The following CD82 variants were observed in gnomAD, a reference collection of about 807,000 sequenced individuals.
The protein encoded by CD82 is CD82 antigen.
Under a neutral mutation model 37.4 loss-of-function variants are expected in CD82, and 36 were observed. The ratio of observed to expected loss-of-function variants is 0.96; its 90% CI spans 0.74 to 1.27. The LOEUF (loss-of-function observed/expected upper bound fraction) is 1.27, where lower values mean the gene tolerates loss of function less well. CD82 is among the 50% of genes most tolerant of loss of function. The pLI, the probability that CD82 is intolerant of heterozygous loss-of-function variation, is 0.00. For synonymous variants in CD82, 158 were observed against 137.4 expected (o/e 1.15, Z -1.05); for missense variants, 340 against 347.0 (o/e 0.98, Z 0.16).
intron 3 of CD82, among the ~76,000 whole-genome samples, chr11:44,596,114 G>A (rs1335350580): frequency 6.6e-6 from 1 of 152,192 alleles, no homozygotes; most frequent in Non-Finnish European, 1.5e-5. Context: ...GACCCTGTGA[G>A]GCCCCACTGT....
chr11:44,580,541 C>T (rs369155609), intron 1 of CD82, among the ~76,000 whole-genome samples: 4 of 152,036 alleles, frequency 2.6e-5, no homozygotes, highest in South Asian at 2.1e-4. Context: ...AGTGAAACCC[C>T]GTCTCTATTA....
At chr11:44,598,493 A>G (rs539270655) in intron 3 of CD82, among the ~76,000 whole-genome samples, 1 of 126,324 alleles carries the variant, frequency 7.9e-6, no homozygotes, top group East Asian at 2.5e-4. Context: ...GCTCACTGCC[A>G]CCGCCGCTTC....
intron 2 of CD82, among the ~76,000 whole-genome samples, chr11:44,592,790 A>G (rs1853164232): frequency 6.6e-6 from 1 of 152,176 alleles, no homozygotes; most frequent in Non-Finnish European, 1.5e-5. Flanking sequence ...CCATCTCTGC[A>G]ATTCTCAGAC....
At chr11:44,598,025 A>G (rs1316684836) in intron 3 of CD82, among the ~76,000 whole-genome samples, 4 of 152,232 alleles carry the variant, frequency 2.6e-5, no homozygotes, top group Admixed American at 6.5e-5. Flanking sequence ...AAATATCCCT[A>G]TAGCTCACCT....
chr11:44,616,679 T>A (rs1038479505), intron 7 of CD82, among the ~76,000 whole-genome samples: 1 of 152,214 alleles, frequency 6.6e-6, no homozygotes, highest in Non-Finnish European at 1.5e-5. Flanking sequence ...TGAGATACAT[T>A]GTTAAAGCCT....
chr11:44,591,693 G>T (rs962582265), intron 2 of CD82, among the ~76,000 whole-genome samples: 5 of 152,202 alleles, frequency 3.3e-5, no homozygotes, highest in African/African-American at 1.2e-4. Flanking sequence ...GTCTGCCAGG[G>T]ATAGGAATAC....
intron 6 of CD82, chr11:44,608,000 CCTCACCTT>C: frequency 1.3e-5 from 2 of 152,378 alleles, no homozygotes; most frequent in South Asian, 4.1e-4. Context: ...TCCCAGCCTG[CCTCACCTT>C]AGTCCACCAC....
chr11:44,580,776 T>C (rs1014824849), intron 1 of CD82, among the ~76,000 whole-genome samples: 2 of 152,186 alleles, frequency 1.3e-5, no homozygotes, highest in Non-Finnish European at 2.9e-5. Context: ...TGATTGTCTA[T>C]CCTAAATTCT....
At chr11:44,609,308 G>A (rs1388997947) in intron 6 of CD82, among the ~76,000 whole-genome samples, 1 of 152,218 alleles carries the variant, frequency 6.6e-6, no homozygotes, top group African/African-American at 2.4e-5. Flanking sequence ...CTAGAGAGTG[G>A]AGGTGGGAGG....
chr11:44,570,803 G>A (rs953807897), intron 1 of CD82, among the ~76,000 whole-genome samples: 3 of 152,206 alleles, frequency 2.0e-5, no homozygotes, highest in African/African-American at 7.2e-5. Flanking sequence ...AGTGAACTCT[G>A]ACTCAGCCAG....
intron 6 of CD82, among the ~76,000 whole-genome samples, chr11:44,612,687 C>G (rs1324471766): frequency 8.3e-6 from 1 of 119,916 alleles, no homozygotes; most frequent in Non-Finnish European, 1.6e-5. Context: ...GGCTGGAGTG[C>G]AGTGGCGTGA....
At chr11:44,575,073 C>T (rs1024110395) in intron 1 of CD82, among the ~76,000 whole-genome samples, 1 of 152,220 alleles carries the variant, frequency 6.6e-6, no homozygotes, top group Non-Finnish European at 1.5e-5. Flanking sequence ...AATCTCCCAC[C>T]ATAACCAGTC....
chr11:44,609,961 GA>G (rs1003829393), intron 6 of CD82, among the ~76,000 whole-genome samples: 5 of 152,194 alleles, frequency 3.3e-5, no homozygotes, highest in Non-Finnish European at 7.3e-5. Context: ...AAAGATGCAG[GA>G]AGCGCCCTCA....
At chr11:44,571,536 G>T (rs1297623868) in intron 1 of CD82, among the ~76,000 whole-genome samples, 1 of 152,172 alleles carries the variant, frequency 6.6e-6, no homozygotes, top group Non-Finnish European at 1.5e-5. Context: ...CATAGTTAGT[G>T]CTATATATGT....
chr11:44,603,371 C>T (rs538702139), intron 4 of CD82, among the ~76,000 whole-genome samples: 6 of 152,328 alleles, frequency 3.9e-5, no homozygotes, highest in East Asian at 1.9e-4. Flanking sequence ...AGGGCACTAA[C>T]GCCCCTTGGG....
chr11:44,600,333 G>C, intron 4 of CD82, 103 bp downstream of exon 4: 1 of 1,062,442 alleles, frequency 9.4e-7, no homozygotes, highest in South Asian at 1.3e-5. Context: ...AATGCCTGTT[G>C]CTTTTCCCGC....
intron 3 of CD82, 136 bp downstream of exon 3, chr11:44,594,861 C>G: frequency 1.4e-6 from 1 of 705,398 alleles, no homozygotes; most frequent in East Asian, 2.6e-5. Flanking sequence ...GACGAACTAT[C>G]TCCAACGGAA....
intron 1 of CD82, among the ~76,000 whole-genome samples, chr11:44,578,077 G>A (rs1852924642): frequency 6.6e-6 from 1 of 152,180 alleles, no homozygotes; most frequent in African/African-American, 2.4e-5. Flanking sequence ...ACACATGATC[G>A]GCAAACAGGA....
intron 2 of CD82, 107 bp downstream of exon 2, chr11:44,587,663 C>T (rs762745949): frequency 2.3e-5 from 10 of 444,402 alleles, no homozygotes; most frequent in Non-Finnish European, 4.6e-5. Flanking sequence ...GTCTGAGCCA[C>T]CAGGTGGGTG....
Sources: gnomAD v4.1 joint callset for allele counts (sites outside exome capture counted in the v4.1 genomes callset) on GRCh38, gnomAD v4.1.1 for gene constraint, MANE v1.5 for transcripts, NCBI Gene and HGNC (gene_info 2026-07-23, HGNC 2026-07-21) for gene names.